Variants in HIBCH observed in about 807,000 individuals in gnomAD.
HIBCH encodes the protein 3-hydroxyisobutyryl-CoA hydrolase, also known as 3-hydroxyisobutyryl-CoA hydrolase, mitochondrial.
A neutral mutation model predicts 58.2 loss-of-function variants in HIBCH; 50 were observed. The ratio of observed to expected loss-of-function variants is 0.86; its 90% CI spans 0.68 to 1.09. The LOEUF (loss-of-function observed/expected upper bound fraction) is 1.09. Ranked by LOEUF, HIBCH falls within the 50% of genes least tolerant of loss-of-function variation. The probability of loss-of-function intolerance (pLI) is 0.00; values close to 1 mark genes in which losing one functional copy is unlikely to be tolerated. For synonymous variants in HIBCH, 151 were observed against 146.9 expected, an observed-to-expected ratio of 1.03 and a Z score of -0.20; for missense variants, 450 against 449.7, an observed-to-expected ratio of 1.00 and a Z score of -0.01.
Position 190,211,390 on chromosome 2 carries a change from T to C in HIBCH, c.1011+1566A>G, listed in dbSNP as rs1350700824. 6.6e-6 allele frequency among the ~76,000 whole-genome samples: 1 copy of C among 152,150 alleles called. No individual in the cohort carries two copies. The highest frequency in any genetic ancestry group is 1.5e-5 in the Non-Finnish European group (1 of 68,026). On this transcript the variant is annotated intron_variant, in intron 12 of 13. Transcript: ENST00000359678. The surrounding 1 kb of genome is among the most constrained non-coding windows in gnomAD (Gnocchi z 5.0). ...ACCATGCTTGTCTCAAAACTACTAT[T>C]TCACACCTGGATCACTGCAGGAAAT... is the stretch of plus-strand genomic sequence containing the variant.
rs954927775 is a variant in HIBCH at position 190,206,851 on chromosome 2, C to T, written c.1046-1619G>A. On this transcript the variant is annotated intron_variant, in intron 13 of 13. Coordinates refer to ENST00000359678, the MANE Select transcript of HIBCH (RefSeq NM_014362.4). This position sits in a 1 kb window ranked among gnomAD's most constrained non-coding sequence, Gnocchi z 5.1. ...TCATTAAAAAGTAGCATAGGCCAGG[C>T]GCGGTGGCTCAGGCCTATAATCCCA... Among the ~76,000 whole-genome samples, 6 of 152,132 alleles carry T rather than the reference C, an allele frequency of 3.9e-5. No homozygotes were observed. Among genetic ancestry groups the T allele is most frequent in the African/African-American group, 1.2e-4 (5 of 41,428 alleles).
At chr2:190,196,906 A>AT (rs1331629995) in intron 1 of HIBCH, among the ~76,000 whole-genome samples, 1 of 152,170 alleles carries the variant, frequency 6.6e-6, no homozygotes, top group Non-Finnish European at 1.5e-5. Flanking sequence ...TGGAGTATTT[A>AT]GAAGACTGGG....
At chr2:190,277,081 C>A (rs1276414439) in intron 6 of HIBCH, among the ~76,000 whole-genome samples, 2 of 151,936 alleles carry the variant, frequency 1.3e-5, no homozygotes, top group Non-Finnish European at 2.9e-5. Context: ...ATATAAATGG[C>A]AAAAGAGATA....
At position 190,249,732 on chromosome 2, in the gene HIBCH, G is replaced by A; in HGVS notation, c.664-6C>T. 1 of 1,569,466 alleles carries A rather than the reference G, an allele frequency of 6.4e-7. No individual in the cohort carries two copies. Among genetic ancestry groups the A allele is most frequent in the Non-Finnish European group, 8.8e-7 (1 of 1,140,002 alleles). ...TCTTCCTCTAACATGGCCAACTAAA[G>A]GGGAGGCAGAAAAAAAGGAAAGATC... On this transcript the variant is annotated splice_polypyrimidine_tract_variant and splice_region_variant and intron_variant, in intron 8 of 13. Coordinates refer to ENST00000359678, the MANE Select transcript of HIBCH (RefSeq NM_014362.4).
downstream of HIBCH, chr2:190,199,705 T>A: frequency 6.9e-7 from 1 of 1,455,912 alleles, no homozygotes; most frequent in East Asian, 2.4e-5. Context: ...AGGTAAACAC[T>A]ACACGTGAAG....
Position 190,208,541 on chromosome 2 carries a change from T to G in HIBCH, c.1045+339A>C, listed in dbSNP as rs552083480. On this transcript the variant is annotated intron_variant, in intron 13 of 13. Transcript: ENST00000359678. ...ATCTTCCTTTTCATATCCCAGATGG[T>G]AACATATTCTTTAAAAACATACACA... The G allele has an allele frequency of 8.0e-4, 277 of 347,270 alleles. 3 individuals carry two copies. The highest frequency in any genetic ancestry group is 7.2e-3 in the South Asian group (272 of 37,788). 21.5% of individuals were successfully genotyped at this position (347,270 alleles called of 1,614,324 possible).
Position 190,192,452 on chromosome 2 carries a change from C to CTGTGTGTGTGTGTGTGTGTGTG in HIBCH, c.*18-2477_*18-2456dup, listed in dbSNP as rs147936734. 2.8e-3 allele frequency among the ~76,000 whole-genome samples: 406 copies of CTGTGTGTGTGTGTGTGTGTGTG among 145,332 alleles called. 2 individuals carry two copies. Among genetic ancestry groups the CTGTGTGTGTGTGTGTGTGTGTG allele is most frequent in the African/African-American group, 9.6e-3 (374 of 39,046 alleles). On this transcript the variant is annotated intron_variant, in intron 1 of 1. Transcript: ENST00000399855. ...TGTGTTTCCATGTATAATTCAGAAT[C>CTGTGTGTGTGTGTGTGTGTGTG]TGTGTGTGTGTGTGTGTGTGTGTGT...
At position 190,289,086 on chromosome 2, in the gene HIBCH, G is replaced by A. The variant is rs187962381; in HGVS notation, c.385+1319C>T. Reference sequence around the variant, plus strand: ...AGATCGCACCACTGCACTCCAGCCTGGGTGACAGGGCAAGACTCTCTCTTA... The same window carrying A: ...AGATCGCACCACTGCACTCCAGCCTAGGTGACAGGGCAAGACTCTCTCTTA... On this transcript the variant is annotated intron_variant, in intron 5 of 13. Coordinates refer to ENST00000359678, the MANE Select transcript of HIBCH (RefSeq NM_014362.4). 1.4e-4 allele frequency among the ~76,000 whole-genome samples: 22 copies of A among 152,180 alleles called. 1 individual carries two copies. The highest frequency in any genetic ancestry group is 4.1e-4 in the South Asian group (2 of 4,820).
At chr2:190,195,465 T>A (rs941846452) in intron 1 of HIBCH, among the ~76,000 whole-genome samples, 13 of 152,224 alleles carry the variant, frequency 8.5e-5, no homozygotes, top group Non-Finnish European at 1.8e-4. Flanking sequence ...TCTGTTGCTT[T>A]TGCCATTATC....
intron 11 of HIBCH, among the ~76,000 whole-genome samples, chr2:190,225,477 G>T (rs1685860553): frequency 6.6e-6 from 1 of 152,272 alleles, no homozygotes; most frequent in Non-Finnish European, 1.5e-5. Flanking sequence ...TACCATCAGA[G>T]AATACTATAA....
rs1686275359 is a variant in HIBCH, at chr2:190,236,403, A to T, written c.891+8484T>A. Among the ~76,000 whole-genome samples the T allele has an allele frequency of 6.6e-6, 1 of 152,220 alleles. No homozygotes were observed. The highest frequency in any genetic ancestry group is 2.4e-5 in the African/African-American group (1 of 41,460). On this transcript the variant is annotated intron_variant, in intron 11 of 13. Transcript: ENST00000359678. The surrounding 1 kb of genome is among the most constrained non-coding windows in gnomAD (Gnocchi z 4.1). ...AAGCTAGTTTAAATCAAACATATTT[A>T]AGAGTTATGTTCTGCTTTGAACTGT...
downstream of HIBCH, chr2:190,199,815 GA>G: frequency 6.3e-7 from 1 of 1,595,126 alleles, no homozygotes; most frequent in Non-Finnish European, 8.5e-7. Context: ...AGATGGCCTG[GA>G]AGTAGTCTTT....
intron 11 of HIBCH, among the ~76,000 whole-genome samples, chr2:190,228,099 C>G (rs1307157673): frequency 6.6e-6 from 1 of 152,102 alleles, no homozygotes; most frequent in Non-Finnish European, 1.5e-5. Flanking sequence ...GACACATGCA[C>G]ACATATGTTT....
rs1220858831 is a variant in HIBCH, at chr2:190,243,367, C to T, written c.891+1520G>A. On this transcript the variant is annotated intron_variant, in intron 11 of 13. Transcript: ENST00000359678. The surrounding 1 kb of genome is among the most constrained non-coding windows in gnomAD (Gnocchi z 4.1). ...GCTCCTCAAGCTTGTAGACAGCCTA[C>T]TGTGGGACCTTGTGATTGTGCAGGT... Among the ~76,000 whole-genome samples the T allele has an allele frequency of 2.6e-5, 4 of 152,176 alleles. No individual in the cohort carries two copies. The highest frequency in any genetic ancestry group is 9.7e-5 in the African/African-American group (4 of 41,450).
intron 6 of HIBCH, among the ~76,000 whole-genome samples, chr2:190,274,067 G>T (rs113234202): frequency 6.6e-6 from 1 of 152,112 alleles, no homozygotes; most frequent in Non-Finnish European, 1.5e-5. Flanking sequence ...CTCCCAAAGC[G>T]CTGGGATTAC....
chr2:190,246,587 C>T (rs1575721675), intron 9 of HIBCH, among the ~76,000 whole-genome samples: 1 of 152,252 alleles, frequency 6.6e-6, no homozygotes, highest in East Asian at 1.9e-4. Flanking sequence ...GGTATGCCTG[C>T]AGCTGTGACC....
In HIBCH at chr2:190,215,321, C is replaced by T. The variant is rs1268093214; in HGVS notation, c.892-2246G>A. ...TGAGCAGAAATTCCTAAATGCAGAT[C>T]CTGGATGGGATAACAATAAAGAGAT... On this transcript the variant is annotated intron_variant, in intron 11 of 13. Coordinates refer to ENST00000359678, the MANE Select transcript of HIBCH (RefSeq NM_014362.4). The surrounding 1 kb of genome is among the most constrained non-coding windows in gnomAD (Gnocchi z 4.4). The T allele has an allele frequency of 6.6e-6, 1 of 152,118 alleles. No homozygotes were observed. The highest frequency in any genetic ancestry group is 2.4e-5 in the African/African-American group (1 of 41,406). The allele number at this position is 152,118 out of a possible 1,614,324, so 9.4% of individuals were successfully genotyped here.
At chr2:190,196,990 C>T (rs1320098045) in intron 1 of HIBCH, among the ~76,000 whole-genome samples, 5 of 152,142 alleles carry the variant, frequency 3.3e-5, no homozygotes, top group African/African-American at 1.2e-4. Flanking sequence ...AAGGCATGAG[C>T]ATATATGGTG....
intron 11 of HIBCH, among the ~76,000 whole-genome samples, chr2:190,234,380 T>C (rs1186895130): frequency 6.6e-6 from 1 of 152,228 alleles, no homozygotes; most frequent in Non-Finnish European, 1.5e-5. Flanking sequence ...GAATTATTTC[T>C]AACAGTAAAA....
Sources: gnomAD v4.1 joint callset for allele counts (sites outside exome capture counted in the v4.1 genomes callset) on GRCh38, gnomAD v4.1.1 for gene constraint, Gnocchi (gnomAD v3.1) non-coding constraint, MANE v1.5 for transcripts, NCBI Gene and HGNC (gene_info 2026-07-23, HGNC 2026-07-21) for gene names.